The following OSBP variants were observed in gnomAD, a reference collection of about 807,000 sequenced individuals.
The protein encoded by OSBP is oxysterol-binding protein 1.
Under a neutral mutation model 96.6 loss-of-function variants are expected in OSBP, and 32 were observed. The ratio of observed to expected loss-of-function variants is 0.33; its 90% CI spans 0.25 to 0.45. The LOEUF (loss-of-function observed/expected upper bound fraction) is 0.45, where lower values mean the gene tolerates loss of function less well. OSBP is among the 20% of genes least tolerant of loss of function. The pLI is 1.00. For synonymous variants in OSBP, 369 were observed against 389.6 expected (o/e 0.95, Z 0.62); for missense variants, 653 against 1,029.7 (o/e 0.63, Z 5.01).
intron 4 of OSBP, 30 bp from the exon 5 acceptor site, chr11:59,601,415 T>TTTA (rs764252084): frequency 1.3e-6 from 2 of 1,495,598 alleles, no homozygotes; most frequent in South Asian, 1.1e-5. Context: ...ATTTGTTGAC[T>TTTA]TTGGTTATCT....
rs1860363388 is a variant in OSBP at position 59,576,553 on chromosome 11, C to T, written c.*24G>A. 6.2e-7 allele frequency: 1 copy of T among 1,608,956 alleles called. No individual in the cohort carries two copies. Among genetic ancestry groups the T allele is most frequent in the Non-Finnish European group, 8.5e-7 (1 of 1,177,936 alleles). Reference sequence around the variant, plus strand: ...CCTCTGTCCTCTTCTCCATTATATGCTCCTCTTTTTTGTTACTGCCGTTTC... The same window carrying T: ...CCTCTGTCCTCTTCTCCATTATATGTTCCTCTTTTTTGTTACTGCCGTTTC... On this transcript the variant is annotated 3_prime_UTR_variant, in exon 14 of 14. Transcript: ENST00000263847.
intron 1 of OSBP, among the ~76,000 whole-genome samples, chr11:59,612,655 T>A (rs1860865429): frequency 6.6e-6 from 1 of 152,204 alleles, no homozygotes; most frequent in Admixed American, 6.5e-5. Context: ...TTATAAATGA[T>A]TAGTGCAGAA....
Position 59,576,873 on chromosome 11 carries a change from C to A in OSBP, c.2213G>T (p.Arg738Leu), listed in dbSNP as rs775775277. Reference protein sequence around the residue: ...RWDEANAEKQRLEEKQRLSRK... With the variant: ...RWDEANAEKQLLEEKQRLSRK... The stretch of plus-strand genomic sequence containing the variant: ...GGAAAGTCTTTGTTTTTCCTCCAGG[C>A]GCTGCTTCTCCGCATTTGCTTCATC... The change falls in exon 13 of 14, where the codon CGC becomes CTC. Residue 738 changes from arginine to leucine, a missense_variant. Physicochemically the swap from Arg to Leu is moderately radical, Grantham distance 102. Around this residue, in one of 6 missense-constraint regions of OSBP, gnomAD observed 169 missense variants for 251.5 expected, o/e 0.67. Transcript: ENST00000263847. The A allele has an allele frequency of 1.2e-6, 2 of 1,614,050 alleles. No individual in the cohort carries two copies. Among genetic ancestry groups the A allele is most frequent in the African/African-American group, 2.7e-5 (2 of 74,920 alleles).
intron 9 of OSBP, among the ~76,000 whole-genome samples, chr11:59,584,053 C>G (rs1194831810): frequency 6.6e-6 from 1 of 150,994 alleles, no homozygotes; most frequent in African/African-American, 2.4e-5. Flanking sequence ...TCAAGTGATC[C>G]TCCCTCCTCA....
At chr11:59,597,903 A>G (rs1860677841) in intron 7 of OSBP, among the ~76,000 whole-genome samples, 1 of 151,952 alleles carries the variant, frequency 6.6e-6, no homozygotes, top group African/African-American at 2.4e-5. Flanking sequence ...ACAGGGTTTC[A>G]CCATGTTGCC....
intron 9 of OSBP, 127 bp from the exon 10 acceptor site, chr11:59,581,681 T>A: frequency 1.3e-5 from 7 of 547,634 alleles, no homozygotes; most frequent in Admixed American, 9.0e-5. Context: ...AAACAATAAA[T>A]CAAAAAGGAC....
chr11:59,607,983 A>T (rs1860803494), intron 3 of OSBP, among the ~76,000 whole-genome samples: 1 of 152,216 alleles, frequency 6.6e-6, no homozygotes, highest in Non-Finnish European at 1.5e-5. Flanking sequence ...TACCTGATCT[A>T]GCCTCCACTT....
intron 7 of OSBP, among the ~76,000 whole-genome samples, 153 bp downstream of exon 7, chr11:59,600,343 C>A (rs183897495): frequency 1.3e-5 from 2 of 152,236 alleles, no homozygotes; most frequent in East Asian, 3.9e-4. Context: ...AAAATTAAAG[C>A]AGCTAAATTT....
At chr11:59,594,388 C>T (rs1214261150) in intron 7 of OSBP, 133 bp from the exon 8 acceptor site, 2 of 777,742 alleles carry the variant, frequency 2.6e-6, no homozygotes, top group African/African-American at 1.8e-5. Context: ...TAATATTTAA[C>T]CCGCAAACAA....
chr11:59,583,659 T>TTC (rs1554979384), intron 9 of OSBP, among the ~76,000 whole-genome samples: 2,989 of 137,736 alleles, frequency 0.022, 242 homozygotes, highest in Admixed American at 0.061. Context: ...TTTTTTTTTT[T>TTC]TCGAGATGGA....
chr11:59,604,694 C>CTT (rs1860758746), intron 3 of OSBP, among the ~76,000 whole-genome samples: 1 of 151,634 alleles, frequency 6.6e-6, no homozygotes, highest in African/African-American at 2.4e-5. Flanking sequence ...AAGCAAGACT[C>CTT]TGTCTCAAAA....
intron 8 of OSBP, 35 bp from the exon 9 acceptor site, chr11:59,593,759 A>G (rs755884973): frequency 6.2e-7 from 1 of 1,611,994 alleles, no homozygotes; most frequent in Admixed American, 1.7e-5. Context: ...AGACGGCAGA[A>G]AGGAGAAGAA....
In OSBP at chr11:59,576,938, C is replaced by CCGG; in HGVS notation, c.2145_2147dup (p.Arg716dup). On this transcript the variant is annotated inframe_insertion, in exon 13 of 14. Transcript: ENST00000263847. Reference sequence around the variant, plus strand: ...CCATCAGTCTCTGGTCAGGTCGTAACCGGCTGTCTGTGGGGGCAGTGCCAC... The same window carrying CCGG: ...CCATCAGTCTCTGGTCAGGTCGTAACCGGCGGCTGTCTGTGGGGGCAGTGCCAC... 2 of 1,614,178 alleles carry CCGG rather than the reference C, an allele frequency of 1.2e-6. No individual in the cohort carries two copies. The highest frequency in any genetic ancestry group is 1.7e-6 in the Non-Finnish European group (2 of 1,180,032).
intron 9 of OSBP, among the ~76,000 whole-genome samples, chr11:59,590,947 C>T (rs1227265757): frequency 1.3e-5 from 2 of 152,180 alleles, no homozygotes; most frequent in Non-Finnish European, 2.9e-5. Context: ...TCTTCAATCT[C>T]CCCATGAAGA....
chr11:59,583,647 T>TG (rs1860453295), intron 9 of OSBP, among the ~76,000 whole-genome samples: 7 of 138,082 alleles, frequency 5.1e-5, no homozygotes, highest in East Asian at 2.0e-4. Flanking sequence ...TTTTTTTTTT[T>TG]TTTTTTTTTT....
intron 1 of OSBP, 29 bp downstream of exon 1, chr11:59,615,274 G>C (rs1442074903): frequency 6.4e-7 from 1 of 1,562,254 alleles, no homozygotes; most frequent in Non-Finnish European, 8.8e-7. Flanking sequence ...GGGAGGCAAG[G>C]TGAGCGACAG....
At chr11:59,606,575 C>T (rs77204943) in intron 3 of OSBP, among the ~76,000 whole-genome samples, 7,112 of 152,230 alleles carry the variant, frequency 0.047, 368 homozygotes, top group Admixed American at 0.13. Context: ...CTACCTGTTG[C>T]GTACTACGTT....
At chr11:59,603,873 T>C (rs910827153) in intron 3 of OSBP, among the ~76,000 whole-genome samples, 2 of 152,182 alleles carry the variant, frequency 1.3e-5, no homozygotes, top group African/African-American at 4.8e-5. Context: ...CCAATCCAAC[T>C]TTCAGGGCCC....
Position 59,593,653 on chromosome 11 carries a change from G to C in OSBP, c.1629C>G (p.Ile543Met), listed in dbSNP as rs770551481. 1 of 1,614,090 alleles carries C rather than the reference G, an allele frequency of 6.2e-7. No homozygotes were observed. Among genetic ancestry groups the C allele is most frequent in the Non-Finnish European group, 8.5e-7 (1 of 1,179,980 alleles). The change falls in exon 9 of 14, where the codon ATC becomes ATG. Residue 543 changes from isoleucine (I) to methionine (M), a missense_variant. Coordinates refer to ENST00000263847, the MANE Select transcript of OSBP (RefSeq NM_002556.3). ...TGCCTCGAAACTTGCTGGTGATTTTGATTTCCTGACGCAATGTCCAGCCAT... is the reference window on the plus strand; with the variant it reads ...TGCCTCGAAACTTGCTGGTGATTTTCATTTCCTGACGCAATGTCCAGCCAT... ...SKNGWTLRQEIKITSKFRGKY... is the reference protein window; with the variant it reads ...SKNGWTLRQEMKITSKFRGKY...
Sources: gnomAD v4.1 joint callset for allele counts (sites outside exome capture counted in the v4.1 genomes callset) on GRCh38, gnomAD v4.1.1 for gene constraint, gnomAD v4.1.1 regional missense constraint, MANE v1.5 for transcripts, NCBI Gene and HGNC (gene_info 2026-07-23, HGNC 2026-07-21) for gene names.